RCAN2: variants seen among roughly 807,000 people sequenced by gnomAD.
The protein encoded by RCAN2 is regulator of calcineurin 2, also known as calcipressin-2.
Under a neutral mutation model 23.6 loss-of-function variants are expected in RCAN2, and 9 were observed. The observed-to-expected ratio is 0.38, with a 90% confidence interval of 0.23 to 0.67. RCAN2 has a LOEUF of 0.67. Ranked by LOEUF, RCAN2 falls within the 30% of genes least tolerant of loss-of-function variation. The pLI is 0.51. For missense variants in RCAN2, 273 were observed against 302.3 expected (o/e 0.90, Z 0.72); for synonymous variants, 109 against 115.7 (o/e 0.94, Z 0.37).
At chr6:46,291,420 G>GC (rs879666833) in intron 2 of RCAN2, among the ~76,000 whole-genome samples, 14 of 151,894 alleles carry the variant, frequency 9.2e-5, no homozygotes, top group Non-Finnish European at 1.6e-4. Flanking sequence ...GGCAGCTGTG[G>GC]AGTGCCACCG....
intron 2 of RCAN2, among the ~76,000 whole-genome samples, chr6:46,436,510 G>A (rs145485409): frequency 4.6e-5 from 7 of 152,218 alleles, no homozygotes; most frequent in South Asian, 2.1e-4. Context: ...CCACCGTGCC[G>A]GGCCCAGAGT....
intron 2 of RCAN2, among the ~76,000 whole-genome samples, chr6:46,327,131 A>G (rs536133816): frequency 1.3e-5 from 2 of 152,360 alleles, no homozygotes; most frequent in South Asian, 4.1e-4. Context: ...ACTATCATCA[A>G]TGGGCTTAAA....
chr6:46,356,004 G>C (rs1764819200), intron 2 of RCAN2, among the ~76,000 whole-genome samples: 1 of 152,202 alleles, frequency 6.6e-6, no homozygotes, highest in Non-Finnish European at 1.5e-5. Flanking sequence ...GCTCAGCAAG[G>C]GGGAGGATAC....
intron 3 of RCAN2, 90 bp downstream of exon 3, chr6:46,248,633 T>C (rs577549173): frequency 9.4e-7 from 1 of 1,063,106 alleles, no homozygotes; most frequent in Non-Finnish European, 1.3e-6. Context: ...TACCAACCAA[T>C]CTGAAAATAG....
chr6:46,342,486 A>T (rs1764353626), intron 2 of RCAN2, among the ~76,000 whole-genome samples: 1 of 151,346 alleles, frequency 6.6e-6, no homozygotes, highest in Admixed American at 6.6e-5. Flanking sequence ...CAGTAGTCCA[A>T]GGCTGCAGTG....
At chr6:46,415,771 C>T (rs917329879) in intron 2 of RCAN2, among the ~76,000 whole-genome samples, 1 of 152,086 alleles carries the variant, frequency 6.6e-6, no homozygotes, top group Non-Finnish European at 1.5e-5. Context: ...ATGTGAAGGA[C>T]AAAACAATGA....
chr6:46,461,887 G>C (rs1390421898), intron 1 of RCAN2, among the ~76,000 whole-genome samples: 3 of 152,144 alleles, frequency 2.0e-5, no homozygotes, highest in Non-Finnish European at 4.4e-5. Flanking sequence ...TGCCCAGCCA[G>C]CTGTGGCTTT....
chr6:46,422,560 T>A (rs1766914443), intron 2 of RCAN2, among the ~76,000 whole-genome samples: 1 of 152,120 alleles, frequency 6.6e-6, no homozygotes, highest in Non-Finnish European at 1.5e-5. Context: ...CAAACAGATT[T>A]AAAAAGCTAC....
At chr6:46,420,729 T>G (rs1352122424) in intron 2 of RCAN2, among the ~76,000 whole-genome samples, 1 of 151,836 alleles carries the variant, frequency 6.6e-6, no homozygotes, top group African/African-American at 2.4e-5. Context: ...GTACTTTTAG[T>G]AGAGATGGGG....
rs943746797 is a variant in RCAN2, at chr6:46,221,324, G to A, written c.*1817C>T. On this transcript the variant is annotated 3_prime_UTR_variant, in exon 5 of 5. Coordinates refer to ENST00000371374, the MANE Select transcript of RCAN2 (RefSeq NM_001251974.2). ...AAGAGTCAGCTTTGAAAGGCTGGATGCTGCAGTGCTCTGCATCTGAATAGC... is the reference window on the plus strand; with the variant it reads ...AAGAGTCAGCTTTGAAAGGCTGGATACTGCAGTGCTCTGCATCTGAATAGC... The A allele has an allele frequency of 2.6e-5, 4 of 152,636 alleles. No homozygotes were observed. The highest frequency in any genetic ancestry group is 9.7e-5 in the African/African-American group (4 of 41,450). The allele number at this position is 152,636 out of a possible 1,614,324, so 9.5% of individuals were successfully genotyped here.
At chr6:46,361,951 GCAGAGAAAGTTTTAAGAGACAGAGAAAAA>G (rs1430358225) in intron 2 of RCAN2, among the ~76,000 whole-genome samples, 4 of 152,144 alleles carry the variant, frequency 2.6e-5, no homozygotes, top group Admixed American at 2.6e-4. Context: ...GAGAATTTCA[GCAGAGAAAGTTTTAAGAGACAGAGAAAAA>G]CATCAATAAG....
chr6:46,453,161 T>C (rs1767927625), intron 2 of RCAN2, among the ~76,000 whole-genome samples: 1 of 152,198 alleles, frequency 6.6e-6, no homozygotes, highest in African/African-American at 2.4e-5. Context: ...TCCCGAAAGA[T>C]GAACCCAGGG....
chr6:46,255,357 G>A (rs1766872276), intron 2 of RCAN2, among the ~76,000 whole-genome samples: 2 of 152,134 alleles, frequency 1.3e-5, no homozygotes, highest in Non-Finnish European at 2.9e-5. Context: ...GAGAGGTTGT[G>A]AGGAAAGAAG....
intron 2 of RCAN2, among the ~76,000 whole-genome samples, chr6:46,261,458 T>C (rs1767105043): frequency 6.6e-6 from 1 of 152,198 alleles, no homozygotes; most frequent in Non-Finnish European, 1.5e-5. Context: ...TATATTTATA[T>C]CACTTTAAAA....
At chr6:46,460,415 G>C (rs1361794945) in intron 1 of RCAN2, among the ~76,000 whole-genome samples, 1 of 152,108 alleles carries the variant, frequency 6.6e-6, no homozygotes, top group Non-Finnish European at 1.5e-5. Context: ...AGAAACCTTT[G>C]AGGCAACCAT....
intron 2 of RCAN2, among the ~76,000 whole-genome samples, chr6:46,352,334 G>A (rs1175037055): frequency 6.6e-6 from 1 of 152,196 alleles, no homozygotes; most frequent in East Asian, 1.9e-4. Context: ...ATCAATAAGT[G>A]TAGCAAAGAG....
intron 2 of RCAN2, among the ~76,000 whole-genome samples, chr6:46,341,882 C>A (rs2396639): frequency 2.0e-5 from 3 of 151,494 alleles, no homozygotes; most frequent in Admixed American, 6.6e-5. Context: ...TGTGGTAAAT[C>A]AAAAAGCTAG....
intron 2 of RCAN2, among the ~76,000 whole-genome samples, chr6:46,296,339 T>C (rs1762730260): frequency 6.6e-6 from 1 of 152,060 alleles, no homozygotes; most frequent in Non-Finnish European, 1.5e-5. Context: ...ACTTCACCAA[T>C]GCAATGTCCT....
intron 2 of RCAN2, among the ~76,000 whole-genome samples, chr6:46,429,220 C>G (rs1024464187): frequency 4.6e-5 from 7 of 152,168 alleles, no homozygotes; most frequent in Non-Finnish European, 7.3e-5. Flanking sequence ...TAGGGGAACA[C>G]AGTATGCTAG....
Sources: allele counts gnomAD v4.1 joint callset (sites outside exome capture counted in the v4.1 genomes callset), GRCh38; gene constraint gnomAD v4.1.1; transcripts MANE v1.5; gene names NCBI Gene and HGNC (gene_info 2026-07-23, HGNC 2026-07-21).